ADGRL3: variants seen among roughly 807,000 people sequenced by gnomAD.
ADGRL3 encodes calcium-independent alpha-latrotoxin receptor 3.
In ADGRL3, 62 loss-of-function variants were observed where a neutral mutation model predicts 153.5. The ratio of observed to expected loss-of-function variants is 0.40; its 90% CI spans 0.33 to 0.50. The LOEUF is 0.50. Ranked by LOEUF, ADGRL3 falls within the 20% of genes least tolerant of loss-of-function variation. The pLI is 0.47. For synonymous variants in ADGRL3, 710 were observed against 672.5 expected (o/e 1.06, Z -0.86); for missense variants, 1,641 against 1,859.4 (o/e 0.88, Z 2.16).
At chr4:61,547,234 A>G (rs1009917828) in intron 4 of ADGRL3, among the ~76,000 whole-genome samples, 1 of 151,728 alleles carries the variant, frequency 6.6e-6, no homozygotes, top group African/African-American at 2.4e-5. Context: ...CTGTGTATCT[A>G]TCAGCCACAA....
At chr4:61,318,213 AACAC>A (rs2095273568) in intron 1 of ADGRL3, among the ~76,000 whole-genome samples, 1 of 147,228 alleles carries the variant, frequency 6.8e-6, no homozygotes, top group Non-Finnish European at 1.5e-5. Context: ...AAAAAAAAAA[AACAC>A]AAAACACACA....
At chr4:61,828,370 G>T (rs2097833771) in intron 9 of ADGRL3, among the ~76,000 whole-genome samples, 1 of 152,074 alleles carries the variant, frequency 6.6e-6, no homozygotes, top group African/African-American at 2.4e-5. Flanking sequence ...TTGTAGTTCT[G>T]ATTTGCTAAA....
At chr4:61,379,310 A>T (rs1578537462) in intron 1 of ADGRL3, among the ~76,000 whole-genome samples, 1 of 152,130 alleles carries the variant, frequency 6.6e-6, no homozygotes, top group East Asian at 1.9e-4. Context: ...TCATTGATTC[A>T]CATTTTCCTA....
At chr4:61,379,771 C>T (rs2096646253) in intron 1 of ADGRL3, among the ~76,000 whole-genome samples, 1 of 151,922 alleles carries the variant, frequency 6.6e-6, no homozygotes, top group African/African-American at 2.4e-5. Flanking sequence ...TATTTTAGTA[C>T]CAAAATGTGA....
In ADGRL3 at chr4:61,936,048, A is replaced by C; in HGVS notation, c.2419+3A>C. The stretch of plus-strand genomic sequence containing the variant: ...CTTAAAGCAAAATGGCCGAAATGGT[A>C]GGTTAGAGTTTATTTTTTAAGCTTG... On this transcript the variant is annotated splice_donor_region_variant and intron_variant, in intron 15 of 26. Transcript: ENST00000683033. 1.9e-6 allele frequency: 3 copies of C among 1,610,434 alleles called. No individual in the cohort carries two copies. The highest frequency in any genetic ancestry group is 2.5e-6 in the Non-Finnish European group (3 of 1,178,290).
At chr4:61,899,320 C>A (rs1009197901) in intron 11 of ADGRL3, among the ~76,000 whole-genome samples, 2 of 152,054 alleles carry the variant, frequency 1.3e-5, no homozygotes, top group African/African-American at 2.4e-5. Context: ...CTGCTCTGAT[C>A]TCCTACCTCT....
chr4:61,768,207 G>T (rs563700166), intron 8 of ADGRL3, among the ~76,000 whole-genome samples: 1 of 152,108 alleles, frequency 6.6e-6, no homozygotes, highest in Non-Finnish European at 1.5e-5. Context: ...AAATTGCTGG[G>T]CAGGTCGGGG....
chr4:61,672,944 A>G (rs542887324), intron 5 of ADGRL3, among the ~76,000 whole-genome samples: 1 of 152,140 alleles, frequency 6.6e-6, no homozygotes, highest in Admixed American at 6.6e-5. Flanking sequence ...TCAGCAGATG[A>G]ATAGATAAAA....
chr4:61,950,322 TG>T (rs1236563608), intron 17 of ADGRL3, among the ~76,000 whole-genome samples: 1 of 152,056 alleles, frequency 6.6e-6, no homozygotes, highest in Non-Finnish European at 1.5e-5. Context: ...CAGTGTACTG[TG>T]GGAAAATTGA....
chr4:61,583,592 C>A, intron 4 of ADGRL3: 1 of 458,098 alleles, frequency 2.2e-6, no homozygotes, highest in Non-Finnish European at 4.2e-6. Flanking sequence ...GCACTTTTCA[C>A]TAGCTGTATG....
chr4:61,828,780 C>T (rs1304453978), intron 9 of ADGRL3, among the ~76,000 whole-genome samples: 1 of 152,172 alleles, frequency 6.6e-6, no homozygotes, highest in Admixed American at 6.5e-5. Context: ...GGCCCATTTA[C>T]GATGGCCTAC....
At chr4:61,801,038 A>G (rs540571873) in intron 8 of ADGRL3, among the ~76,000 whole-genome samples, 126 of 152,298 alleles carry the variant, frequency 8.3e-4, no homozygotes, top group South Asian at 1.9e-3. Context: ...TACTAGCTGC[A>G]TATTTTCCTA....
At chr4:61,331,131 T>C (rs1347770924) in intron 1 of ADGRL3, among the ~76,000 whole-genome samples, 2 of 152,128 alleles carry the variant, frequency 1.3e-5, no homozygotes, top group Non-Finnish European at 2.9e-5. Flanking sequence ...GTTGTGTCTG[T>C]TTTCTAAAGA....
At chr4:61,648,170 A>G (rs2094110763) in intron 5 of ADGRL3, among the ~76,000 whole-genome samples, 1 of 152,068 alleles carries the variant, frequency 6.6e-6, no homozygotes, top group South Asian at 2.1e-4. Flanking sequence ...GGGATAGAAG[A>G]CACTGTGCAC....
chr4:61,681,498 A>G (rs1482341092), intron 6 of ADGRL3, among the ~76,000 whole-genome samples: 1 of 152,122 alleles, frequency 6.6e-6, no homozygotes, highest in Non-Finnish European at 1.5e-5. Flanking sequence ...GAAAGTGACT[A>G]GAAATGAATG....
intron 11 of ADGRL3, among the ~76,000 whole-genome samples, chr4:61,908,273 G>A (rs1329774494): frequency 6.6e-6 from 1 of 152,006 alleles, no homozygotes; most frequent in Non-Finnish European, 1.5e-5. Flanking sequence ...CTGTGTGACA[G>A]TGAGACCCTG....
chr4:61,479,555 AT>A (rs1450314516), intron 2 of ADGRL3, among the ~76,000 whole-genome samples: 1 of 152,130 alleles, frequency 6.6e-6, no homozygotes, highest in Non-Finnish European at 1.5e-5. Context: ...TATAAGTAGA[AT>A]AAAAACTATA....
chr4:61,713,070 A>G (rs2096030113), intron 6 of ADGRL3, among the ~76,000 whole-genome samples: 1 of 152,148 alleles, frequency 6.6e-6, no homozygotes, highest in African/African-American at 2.4e-5. Context: ...TAAATATGTA[A>G]TGATAAAACT....
intron 6 of ADGRL3, among the ~76,000 whole-genome samples, chr4:61,719,344 A>G (rs1045782889): frequency 6.6e-6 from 1 of 152,212 alleles, no homozygotes; most frequent in African/African-American, 2.4e-5. Flanking sequence ...CCAATTAAGT[A>G]TATTTGGTTA....
Sources: gnomAD v4.1 joint callset for allele counts (sites outside exome capture counted in the v4.1 genomes callset) on GRCh38, gnomAD v4.1.1 for gene constraint, MANE v1.5 for transcripts, NCBI Gene and HGNC (gene_info 2026-07-23, HGNC 2026-07-21) for gene names.